The following SLC12A3 variants were observed in gnomAD, a reference collection of about 807,000 sequenced individuals.
The protein encoded by SLC12A3 is solute carrier family 12 member 3.
SLC12A3 carries 104 observed loss-of-function variants against 121.0 expected under a neutral mutation model. That is an observed-to-expected ratio of 0.86 (90% confidence interval 0.73 to 1.01). The LOEUF is 1.01. SLC12A3 is among the 50% of genes least tolerant of loss of function. SLC12A3 has a pLI of 0.00. For missense variants in SLC12A3, 1,328 were observed against 1,356.3 expected (o/e 0.98, Z 0.33); for synonymous variants, 536 against 533.4 (o/e 1.00, Z -0.07).
At position 56,914,552 on chromosome 16, in the gene SLC12A3, A is replaced by G. The variant is rs2055729524; in HGVS notation, c.*1147A>G. 1 of 152,232 alleles carries G rather than the reference A, an allele frequency of 6.6e-6. No homozygotes were observed. Among genetic ancestry groups the G allele is most frequent in the Non-Finnish European group, 1.5e-5 (1 of 68,042 alleles). The allele number at this position is 152,232 out of a possible 1,614,324, so 9.4% of individuals were successfully genotyped here. On this transcript the variant is annotated 3_prime_UTR_variant, in exon 26 of 26. Transcript: ENST00000563236. ...TGGCCACCTTTCTGTTGTGCCTTGC[A>G]TTTGTCCACACACAGGGAGTCTGGC...
chr16:56,892,039 C>A, intron 19 of SLC12A3, 44 bp from the exon 20 acceptor site: 1 of 1,488,468 alleles, frequency 6.7e-7, no homozygotes. Flanking sequence ...ACGGTGCCCT[C>A]AGACAAGGAG....
At chr16:56,878,460 G>A (rs1253881672) in intron 9 of SLC12A3, among the ~76,000 whole-genome samples, 6 of 147,398 alleles carry the variant, frequency 4.1e-5, no homozygotes, top group African/African-American at 1.5e-4. Flanking sequence ...GACAAATCTA[G>A]GAGTGATGAT....
intron 20 of SLC12A3, 64 bp from the exon 21 acceptor site, chr16:56,892,882 GGGGCCCT>G: frequency 2.4e-6 from 3 of 1,263,556 alleles, no homozygotes; most frequent in Non-Finnish European, 3.5e-6. Context: ...GGGCGTTGGC[GGGGCCCT>G]GGGCCAGGCC....
chr16:56,912,862 C>G (rs1421590268), intron 25 of SLC12A3, among the ~76,000 whole-genome samples: 1 of 151,964 alleles, frequency 6.6e-6, no homozygotes, highest in African/African-American at 2.4e-5. Flanking sequence ...AAGGAAGTGA[C>G]CAGGTGCAGA....
chr16:56,865,389 T>G lies in SLC12A3; in HGVS notation c.154T>G (p.Cys52Gly). 4 of 1,614,208 alleles carry G rather than the reference T, an allele frequency of 2.5e-6. No homozygotes were observed. Among genetic ancestry groups the G allele is most frequent in the Non-Finnish European group, 3.4e-6 (4 of 1,180,042 alleles). Residue 52 changes from cysteine (C) to glycine (G), a missense_variant, in exon 1 of 26, where the codon TGC (cysteine) becomes GGC (glycine). Transcript: ENST00000563236. The part of the protein sequence containing the change: ...PSHLTHSSTF[C>G]MRTFGYNTID... ...CCACCTGACCCACAGCAGCACCTTCTGCATGCGCACCTTTGGCTACAACAC... is the reference window on the plus strand; with the variant it reads ...CCACCTGACCCACAGCAGCACCTTCGGCATGCGCACCTTTGGCTACAACAC...
chr16:56,894,391 A>G (rs1271133886), intron 21 of SLC12A3, 140 bp from the exon 22 acceptor site: 4 of 697,200 alleles, frequency 5.7e-6, no homozygotes, highest in Non-Finnish European at 8.0e-6. Context: ...TCAGTCAGCC[A>G]TGTTCATTAT....
At position 56,886,858 on chromosome 16, in the gene SLC12A3, A is replaced by G. The variant is rs1300691867; in HGVS notation, c.2038-95A>G. ...GAAAAGGGCACCGTGGGTGCTGCCA[A>G]GCCCCTGGGGCAGCCTCCAGGGCAG... On this transcript the variant is annotated intron_variant, in intron 16 of 25. Coordinates refer to ENST00000563236, the MANE Select transcript of SLC12A3 (RefSeq NM_001126108.2). 5.1e-6 allele frequency: 8 copies of G among 1,555,324 alleles called. No individual in the cohort carries two copies. The African/African-American group carries it at 1.1e-4, about 21-fold the overall frequency.
chr16:56,867,132 TG>T lies in SLC12A3; in HGVS notation c.348del (p.Leu117TrpfsTer26). ...DSRPSHEMTD[G>X]LVEGEAGTSS... is the part of the protein sequence containing the mutation. ...GCCGGCCCAGCCACGAGATGACTGA[TG>T]GGCTGGTGGAGGGCGAGGCAGGCAC... On this transcript the variant is annotated frameshift_variant, in exon 2 of 26. Transcript: ENST00000563236. LOFTEE classifies it high-confidence loss of function. 1.2e-6 allele frequency: 2 copies of T among 1,614,010 alleles called. No homozygotes were observed. The highest frequency in any genetic ancestry group is 1.7e-6 in the Non-Finnish European group (2 of 1,179,998).
In SLC12A3 at chr16:56,913,350, C is replaced by A. The variant is rs1322773530; in HGVS notation, c.3011C>A (p.Pro1004Gln). 6.2e-7 allele frequency: 1 copy of A among 1,614,218 alleles called. No individual in the cohort carries two copies. Among genetic ancestry groups the A allele is most frequent in the East Asian group, 2.2e-5 (1 of 44,890 alleles). ...ACCCTGTCCCAGGACCTCAGACCTCCAGTCATCCTGATCCGAGGAAACCAG... is the reference window on the plus strand; with the variant it reads ...ACCCTGTCCCAGGACCTCAGACCTCAAGTCATCCTGATCCGAGGAAACCAG... ...LETLSQDLRP[P>Q]VILIRGNQEN... The change falls in exon 26 of 26, where the codon CCA becomes CAA. Residue 1004 changes from proline to glutamine, a missense_variant. Physicochemically the swap from Pro to Gln is moderately conservative, Grantham distance 76. Transcript: ENST00000563236.
intron 12 of SLC12A3, 142 bp downstream of exon 12, chr16:56,880,395 G>A: frequency 1.9e-6 from 2 of 1,055,872 alleles, no homozygotes; most frequent in Non-Finnish European, 1.4e-6. Context: ...GCTAAGTCTT[G>A]AGGGGTGAGA....
intron 8 of SLC12A3, among the ~76,000 whole-genome samples, chr16:56,875,033 G>A (rs2055148636): frequency 6.6e-6 from 1 of 152,206 alleles, no homozygotes; most frequent in Non-Finnish European, 1.5e-5. Flanking sequence ...TGGATTCCAT[G>A]CAGTCTCATT....
At chr16:56,886,797 C>T (rs2055318579) in intron 16 of SLC12A3, among the ~76,000 whole-genome samples, 156 bp from the exon 17 acceptor site, 1 of 152,128 alleles carries the variant, frequency 6.6e-6, no homozygotes, top group Non-Finnish European at 1.5e-5. Context: ...CCCACTTTCT[C>T]CCCCACTCCT....
chr16:56,904,455 A>G lies in SLC12A3; in HGVS notation c.2917A>G (p.Ile973Val). The change falls in exon 25 of 26, where the codon ATC becomes GTC. Residue 973 changes from isoleucine to valine, a missense_variant. Transcript: ENST00000563236. ...GGATTACTCCCGAGACGCTGCTCTC[A>G]TCGTCATGTAAGTAGTGCCCGGCTG... ...VLDYSRDAAL[I>V]VITLPIGRKG... 2 of 1,613,240 alleles carry G rather than the reference A, an allele frequency of 1.2e-6. No individual in the cohort carries two copies. Among genetic ancestry groups the G allele is most frequent in the Non-Finnish European group, 1.7e-6 (2 of 1,179,238 alleles).
chr16:56,867,331 T>A, intron 2 of SLC12A3, 115 bp downstream of exon 2: 1 of 1,046,446 alleles, frequency 9.6e-7, no homozygotes, highest in Non-Finnish European at 1.4e-6. Flanking sequence ...TCCCCATCTG[T>A]ACAATGAATT....
chr16:56,867,476 G>A (rs956539447), intron 2 of SLC12A3, among the ~76,000 whole-genome samples: 1 of 152,232 alleles, frequency 6.6e-6, no homozygotes, highest in Non-Finnish European at 1.5e-5. Flanking sequence ...TCTCCTCCAT[G>A]AAGGGAAGGA....
At chr16:56,911,686 A>T (rs1471583350) in intron 25 of SLC12A3, among the ~76,000 whole-genome samples, 1 of 151,830 alleles carries the variant, frequency 6.6e-6, no homozygotes, top group Non-Finnish European at 1.5e-5. Flanking sequence ...TGGAACTTCC[A>T]AGTGTGACAT....
chr16:56,906,778 C>T, intron 25 of SLC12A3: 1 of 753,546 alleles, frequency 1.3e-6, no homozygotes. Context: ...TTGGATTATG[C>T]AAAGAAAAGT....
chr16:56,868,166 G>A (rs762356007), intron 2 of SLC12A3, 131 bp from the exon 3 acceptor site: 1 of 811,172 alleles, frequency 1.2e-6, no homozygotes, highest in Non-Finnish European at 2.1e-6. Flanking sequence ...ACCTACTGAA[G>A]TGGGTGAAGA....
intron 2 of SLC12A3, among the ~76,000 whole-genome samples, chr16:56,867,820 G>A (rs1194048106): frequency 6.6e-6 from 1 of 152,216 alleles, no homozygotes; most frequent in African/African-American, 2.4e-5. Flanking sequence ...CCACCTGGAA[G>A]CTTCAGCCTC....
Sources: gnomAD v4.1 joint callset for allele counts (sites outside exome capture counted in the v4.1 genomes callset) on GRCh38, gnomAD v4.1.1 for gene constraint, MANE v1.5 for transcripts, NCBI Gene and HGNC (gene_info 2026-07-23, HGNC 2026-07-21) for gene names.